The following FIRRM variants were observed in gnomAD, a reference collection of about 807,000 sequenced individuals.
FIRRM encodes the protein FIGNL1-interacting regulator of recombination and mitosis.
chr1:169,803,538 TAAAG>T, the FIRRM span, among the ~76,000 whole-genome samples: 143 of 152,326 alleles, frequency 9.4e-4, 1 homozygote, highest in Non-Finnish European at 1.8e-3. Flanking sequence ...TTCCCCTCTA[TAAAG>T]AAAGAAGTTT....
the FIRRM span, among the ~76,000 whole-genome samples, chr1:169,810,834 A>ATTTTTTTTT: frequency 1.8e-3 from 112 of 61,206 alleles, 26 homozygotes; most frequent in South Asian, 5.8e-3. Context: ...TTAGCCCCCA[A>ATTTTTTTTT]TTTTTTTTTT....
the FIRRM span, chr1:169,843,598 A>T: frequency 2.3e-5 from 19 of 837,796 alleles, no homozygotes; most frequent in Non-Finnish European, 4.1e-6. Context: ...TATATAATAA[A>T]TGCTCAATAA....
At chr1:169,847,786 A>G in the FIRRM span, 4 of 1,603,742 alleles carry the variant, frequency 2.5e-6, no homozygotes, top group Non-Finnish European at 3.4e-6. Context: ...AAAACTTTTT[A>G]TACCTGAAGC....
At chr1:169,821,593 A>T in the FIRRM span, 1 of 1,013,842 alleles carries the variant, frequency 9.9e-7, no homozygotes, top group Non-Finnish European at 1.4e-6. Flanking sequence ...TTTTGTTTTT[A>T]GAAAATATTG....
chr1:169,821,766 C>T, the FIRRM span: 2 of 1,544,340 alleles, frequency 1.3e-6, no homozygotes, highest in Non-Finnish European at 1.8e-6. Flanking sequence ...TAAGGTAAGG[C>T]TTTATTATAC....
At chr1:169,828,450 A>T in the FIRRM span, among the ~76,000 whole-genome samples, 1 of 151,692 alleles carries the variant, frequency 6.6e-6, no homozygotes, top group Non-Finnish European at 1.5e-5. Flanking sequence ...TCTTGTATTC[A>T]TTTTCAACAC....
chr1:169,853,801 C>T, the FIRRM span: 2 of 1,601,478 alleles, frequency 1.2e-6, no homozygotes. Context: ...CACCAAGAAC[C>T]CACTGAAACA....
At chr1:169,798,158 C>T in the FIRRM span, among the ~76,000 whole-genome samples, 1 of 152,162 alleles carries the variant, frequency 6.6e-6, no homozygotes, top group Non-Finnish European at 1.5e-5. Context: ...GTGTGCATCT[C>T]TAATCCCAGC....
the FIRRM span, chr1:169,804,343 T>C: frequency 2.2e-6 from 2 of 913,610 alleles, no homozygotes; most frequent in Admixed American, 6.2e-5. Flanking sequence ...AATTATGCAT[T>C]AAAATTGATT....
At chr1:169,795,097 G>GA in the FIRRM span, 1 of 1,535,082 alleles carries the variant, frequency 6.5e-7, no homozygotes, top group Non-Finnish European at 8.7e-7. Flanking sequence ...CCTGTTTGAC[G>GA]AAAGTATGTC....
the FIRRM span, chr1:169,830,224 T>C: frequency 1.3e-6 from 2 of 1,509,284 alleles, no homozygotes; most frequent in Admixed American, 3.5e-5. Context: ...TGAACTTTAG[T>C]ATTTAAATAA....
the FIRRM span, among the ~76,000 whole-genome samples, chr1:169,832,739 G>A: frequency 6.6e-6 from 1 of 151,988 alleles, no homozygotes; most frequent in Non-Finnish European, 1.5e-5. Context: ...GAGTAGCTGG[G>A]ACTACAGGCA....
the FIRRM span, among the ~76,000 whole-genome samples, chr1:169,808,838 G>T: frequency 6.6e-6 from 1 of 151,992 alleles, no homozygotes; most frequent in African/African-American, 2.4e-5. Flanking sequence ...ACCTCAGGTG[G>T]TCCACCCGCC....
chr1:169,805,967 T>G, the FIRRM span: 4 of 1,276,522 alleles, frequency 3.1e-6, no homozygotes, highest in Non-Finnish European at 4.5e-6. Flanking sequence ...CCCATGACAT[T>G]TGGATGTCTT....
the FIRRM span, chr1:169,806,065 C>T: frequency 6.3e-7 from 1 of 1,594,556 alleles, no homozygotes. Context: ...CATTTCATGC[C>T]AATACTTGGA....
the FIRRM span, among the ~76,000 whole-genome samples, chr1:169,790,194 T>C: frequency 6.6e-6 from 1 of 152,134 alleles, no homozygotes; most frequent in African/African-American, 2.4e-5. Context: ...TCTCTTTTTT[T>C]GTTGAGAGAG....
chr1:169,797,601 C>T, the FIRRM span, among the ~76,000 whole-genome samples: 1 of 152,202 alleles, frequency 6.6e-6, no homozygotes, highest in Non-Finnish European at 1.5e-5. Context: ...GTCACCCAGG[C>T]TGGAGTGCAG....
chr1:169,847,007 ATT>A, the FIRRM span, among the ~76,000 whole-genome samples: 1 of 152,094 alleles, frequency 6.6e-6, no homozygotes, highest in South Asian at 2.1e-4. Flanking sequence ...TAATTTTAAT[ATT>A]GTGTCTCAGG....
At chr1:169,796,635 A>G in the FIRRM span, among the ~76,000 whole-genome samples, 2 of 152,314 alleles carry the variant, frequency 1.3e-5, no homozygotes, top group Admixed American at 6.5e-5. Flanking sequence ...TGGAGTATTA[A>G]TAGTTTCCTT....
Sources: gnomAD v4.1 joint callset for allele counts (sites outside exome capture counted in the v4.1 genomes callset) on GRCh38, gnomAD v4.1.1 for gene constraint, MANE v1.5 for transcripts, NCBI Gene and HGNC (gene_info 2026-07-23, HGNC 2026-07-21) for gene names.